The following ACVR2A variants were observed in gnomAD, a reference collection of about 807,000 sequenced individuals.
ACVR2A encodes the protein activin A receptor type 2A, also known as activin receptor type-2A.
In ACVR2A, 7 loss-of-function variants were observed where a neutral mutation model predicts 61.4. That is an observed-to-expected ratio of 0.11 (90% CI 0.06 to 0.21). The LOEUF is 0.21. Among genes scored for constraint, ACVR2A ranks in the 10% least tolerant of loss-of-function variants. ACVR2A has a pLI of 1.00. For missense variants in ACVR2A, 322 were observed against 621.7 expected (o/e 0.52, Z 5.13); for synonymous variants, 193 against 208.3 (o/e 0.93, Z 0.63).
intron 1 of ACVR2A, among the ~76,000 whole-genome samples, chr2:147,891,280 A>G (rs1436687161): frequency 6.6e-6 from 1 of 152,144 alleles, no homozygotes; most frequent in Admixed American, 6.5e-5. Context: ...GGGTGTTCCT[A>G]TGCCTGAGTG....
chr2:147,896,547 A>T (rs756748515), intron 2 of ACVR2A, 39 bp downstream of exon 2: 1 of 1,571,772 alleles, frequency 6.4e-7, no homozygotes. Flanking sequence ...GTATTGAGTA[A>T]TTTTCACACT....
Position 147,896,594 on chromosome 2 carries a change from A to G in ACVR2A, c.263+86A>G, listed in dbSNP as rs1686738686. ...TGAAAGGGGAAAGATCAGTGCATAA[A>G]TTTTCACTTAAATGTTTCTTGCTTT... On this transcript the variant is annotated intron_variant, in intron 2 of 10. Coordinates refer to ENST00000241416, the MANE Select transcript of ACVR2A (RefSeq NM_001616.5). 3 of 1,284,776 alleles carry G rather than the reference A, an allele frequency of 2.3e-6. No individual in the cohort carries two copies. In the East Asian group the frequency reaches 7.1e-5, roughly 30 times the overall value. The allele number at this position is 1,284,776 out of a possible 1,614,324, so 79.6% of individuals were successfully genotyped here.
At chr2:147,847,812 A>T (rs1170704735) in intron 1 of ACVR2A, among the ~76,000 whole-genome samples, 1 of 152,174 alleles carries the variant, frequency 6.6e-6, no homozygotes, top group South Asian at 2.1e-4. Flanking sequence ...CATAAATCTT[A>T]GTTTTCTTTT....
chr2:147,881,401 G>A (rs549015365), intron 1 of ACVR2A, among the ~76,000 whole-genome samples: 75 of 152,170 alleles, frequency 4.9e-4, no homozygotes, highest in African/African-American at 1.7e-3. Flanking sequence ...TACCTTTAAA[G>A]ATGAAATGAT....
intron 9 of ACVR2A, among the ~76,000 whole-genome samples, chr2:147,924,263 C>T (rs910572501): frequency 6.6e-6 from 1 of 151,938 alleles, no homozygotes; most frequent in Non-Finnish European, 1.5e-5. Flanking sequence ...TTAATATGAA[C>T]TCTCCATAAC....
chr2:147,878,794 A>C (rs1686221765), intron 1 of ACVR2A, among the ~76,000 whole-genome samples: 1 of 152,062 alleles, frequency 6.6e-6, no homozygotes, highest in African/African-American at 2.4e-5. Flanking sequence ...CTGCAGTCCC[A>C]GCTATTTGGG....
At chr2:147,892,952 T>A (rs1686624884) in intron 1 of ACVR2A, among the ~76,000 whole-genome samples, 1 of 152,136 alleles carries the variant, frequency 6.6e-6, no homozygotes, top group Non-Finnish European at 1.5e-5. Context: ...TGCAATTCCA[T>A]AAGTTTTGAT....
chr2:147,872,197 A>T (rs1686038689), intron 1 of ACVR2A, among the ~76,000 whole-genome samples: 1 of 152,048 alleles, frequency 6.6e-6, no homozygotes, highest in Admixed American at 6.6e-5. Flanking sequence ...CTACCAAAAA[A>T]AGTCATACAT....
chr2:147,920,048 C>T (rs973032008), intron 7 of ACVR2A, among the ~76,000 whole-genome samples, 182 bp from the exon 8 acceptor site: 5 of 152,010 alleles, frequency 3.3e-5, no homozygotes, highest in Admixed American at 1.3e-4. Context: ...GGTTTGTCAC[C>T]GTGCTCTTGT....
chr2:147,851,562 A>T (rs889261314), intron 1 of ACVR2A, among the ~76,000 whole-genome samples: 16 of 152,084 alleles, frequency 1.1e-4, no homozygotes, highest in Admixed American at 3.3e-4. Context: ...GTGCCTTTGT[A>T]CATATTACTC....
intron 1 of ACVR2A, among the ~76,000 whole-genome samples, chr2:147,883,250 G>T (rs1357264821): frequency 6.6e-6 from 1 of 152,164 alleles, no homozygotes; most frequent in Non-Finnish European, 1.5e-5. Flanking sequence ...GAGTGCAATG[G>T]CACGATCTCA....
chr2:147,898,002 T>A (rs1686783213), intron 2 of ACVR2A, among the ~76,000 whole-genome samples: 1 of 152,180 alleles, frequency 6.6e-6, no homozygotes, highest in Non-Finnish European at 1.5e-5. Flanking sequence ...CTATTCTTTT[T>A]TGTAGTAGAA....
chr2:147,887,112 T>C (rs1215197327), intron 1 of ACVR2A, among the ~76,000 whole-genome samples: 3 of 151,794 alleles, frequency 2.0e-5, no homozygotes, highest in African/African-American at 4.8e-5. Flanking sequence ...CTTAGGAGGC[T>C]GAGGCAGGAG....
intron 1 of ACVR2A, among the ~76,000 whole-genome samples, chr2:147,886,508 T>C (rs888211168): frequency 2.0e-5 from 3 of 152,162 alleles, no homozygotes; most frequent in African/African-American, 4.8e-5. Flanking sequence ...TGCTTAACAT[T>C]GGTTGCATAC....
chr2:147,892,827 G>A (rs75907594), intron 1 of ACVR2A, among the ~76,000 whole-genome samples: 1 of 151,088 alleles, frequency 6.6e-6, no homozygotes, highest in Non-Finnish European at 1.5e-5. Flanking sequence ...TTTTTTTTTG[G>A]TGTGACTGTT....
chr2:147,860,501 G>C (rs1685702682), intron 1 of ACVR2A, among the ~76,000 whole-genome samples: 2 of 152,084 alleles, frequency 1.3e-5, no homozygotes, highest in Admixed American at 1.3e-4. Context: ...AGCAACACTT[G>C]GTTAGTCCAG....
At chr2:147,907,799 G>A (rs1039017710) in intron 4 of ACVR2A, among the ~76,000 whole-genome samples, 1 of 152,136 alleles carries the variant, frequency 6.6e-6, no homozygotes, top group African/African-American at 2.4e-5. Flanking sequence ...GCCGAGGTGG[G>A]TGGATCACCT....
intron 1 of ACVR2A, among the ~76,000 whole-genome samples, chr2:147,853,904 T>G (rs1685503594): frequency 6.6e-6 from 1 of 152,120 alleles, no homozygotes; most frequent in Non-Finnish European, 1.5e-5. Flanking sequence ...TATGAGATCT[T>G]GGCACATTTC....
chr2:147,924,893 T>C (rs564815138), intron 9 of ACVR2A, among the ~76,000 whole-genome samples: 2 of 152,040 alleles, frequency 1.3e-5, no homozygotes, highest in Non-Finnish European at 2.9e-5. Flanking sequence ...AAGTGTTGAA[T>C]AGACACCTTA....
Sources: gnomAD v4.1 joint callset for allele counts (sites outside exome capture counted in the v4.1 genomes callset) on GRCh38, gnomAD v4.1.1 for gene constraint, MANE v1.5 for transcripts, NCBI Gene and HGNC (gene_info 2026-07-23, HGNC 2026-07-21) for gene names.